KMT2C: variants seen among roughly 807,000 people sequenced by gnomAD.
KMT2C encodes histone-lysine N-methyltransferase 2C.
KMT2C carries 88 observed loss-of-function variants against 507.9 expected under a neutral mutation model. The ratio of observed to expected loss-of-function variants is 0.17; its 90% CI spans 0.15 to 0.21. KMT2C has a LOEUF of 0.21. Ranked by LOEUF, KMT2C falls within the 10% of genes least tolerant of loss-of-function variation. The pLI, the probability that KMT2C is intolerant of heterozygous loss-of-function variation, is 1.00. For missense variants in KMT2C, 4,954 were observed against 5,957.8 expected (o/e 0.83, Z 5.55); for synonymous variants, 2,049 against 2,080.8 (o/e 0.98, Z 0.42).
At chr7:152,349,844 T>C (rs1248467921) in intron 2 of KMT2C, among the ~76,000 whole-genome samples, 1 of 152,066 alleles carries the variant, frequency 6.6e-6, no homozygotes, top group Non-Finnish European at 1.5e-5. Context: ...ACCACTCTAG[T>C]ATAGGATGTT....
chr7:152,360,980 T>C (rs1349949058), intron 1 of KMT2C, among the ~76,000 whole-genome samples: 2 of 151,924 alleles, frequency 1.3e-5, no homozygotes, highest in South Asian at 2.1e-4. Flanking sequence ...CCAACAAACA[T>C]TGTCAAAAAC....
intron 3 of KMT2C, among the ~76,000 whole-genome samples, chr7:152,316,411 A>T (rs1012034613): frequency 1.9e-4 from 29 of 152,198 alleles, no homozygotes; most frequent in Non-Finnish European, 5.9e-5. Flanking sequence ...CTATTAATAA[A>T]AAAGGAGAAA....
At chr7:152,298,728 A>G (rs534121722) in intron 6 of KMT2C, among the ~76,000 whole-genome samples, 1 of 152,370 alleles carries the variant, frequency 6.6e-6, no homozygotes, top group East Asian at 1.9e-4. Flanking sequence ...TAACTATATG[A>G]GCAAACATCT....
chr7:152,331,119 G>A (rs1047130510), intron 2 of KMT2C, among the ~76,000 whole-genome samples: 1 of 152,020 alleles, frequency 6.6e-6, no homozygotes, highest in Non-Finnish European at 1.5e-5. Flanking sequence ...ACTGGCCTGG[G>A]CAAGATGGTG....
chr7:152,275,264 G>A (rs2096061213), intron 6 of KMT2C, among the ~76,000 whole-genome samples: 1 of 152,186 alleles, frequency 6.6e-6, no homozygotes, highest in African/African-American at 2.4e-5. Flanking sequence ...CAAAAATTTG[G>A]CTGGGCCGGG....
intron 6 of KMT2C, among the ~76,000 whole-genome samples, chr7:152,285,278 G>C (rs1369886440): frequency 6.6e-6 from 1 of 151,558 alleles, no homozygotes; most frequent in Non-Finnish European, 1.5e-5. Context: ...CTATAGGAAA[G>C]CAACAGATCG....
At chr7:152,421,905 A>G (rs2097779379) in intron 1 of KMT2C, among the ~76,000 whole-genome samples, 1 of 152,226 alleles carries the variant, frequency 6.6e-6, no homozygotes, top group African/African-American at 2.4e-5. Context: ...CTGGAAGGAA[A>G]AAAAACAAGT....
At chr7:152,345,827 A>G (rs2097053415) in intron 2 of KMT2C, among the ~76,000 whole-genome samples, 1 of 152,156 alleles carries the variant, frequency 6.6e-6, no homozygotes, top group African/African-American at 2.4e-5. Flanking sequence ...GGCCTAGAAT[A>G]GATTTTTTAA....
rs549216765 is a variant in KMT2C, at chr7:152,387,904, G to A, written c.162-29229C>T. Among the ~76,000 whole-genome samples, 19 of 152,106 alleles carry A rather than the reference G, an allele frequency of 1.2e-4. No individual in the cohort carries two copies. The East Asian group carries it at 2.5e-3, about 20-fold the overall frequency. Reference sequence around the variant, plus strand: ...AGCTTCCAGTGATAACCTCTGGGGAGTAAAACTGAACTTGTGATGTATACC... The same window carrying A: ...AGCTTCCAGTGATAACCTCTGGGGAATAAAACTGAACTTGTGATGTATACC... On this transcript the variant is annotated intron_variant, in intron 1 of 58. Coordinates refer to ENST00000262189, the MANE Select transcript of KMT2C (RefSeq NM_170606.3).
At chr7:152,238,555 A>G in intron 15 of KMT2C, 152 bp downstream of exon 15, 1 of 600,742 alleles carries the variant, frequency 1.7e-6, no homozygotes, top group Non-Finnish European at 2.7e-6. Flanking sequence ...TTTTAAATGC[A>G]AGCATATTAT....
rs1356688610 is a variant in KMT2C, at chr7:152,177,780, T to C, written c.7673A>G (p.Tyr2558Cys). Residue 2558 changes from tyrosine (Y) to cysteine (C), a missense_variant, in exon 38 of 59, where the codon TAT becomes TGT. Tyr to Cys is a radical substitution (Grantham distance 194). Transcript: ENST00000262189. ...VQQHNILGQAYIELRHRAPDG... is the reference protein window; with the variant it reads ...VQQHNILGQACIELRHRAPDG... ...AGGAGCCCTATGTCTCAGTTCAATA[T>C]ATGCTTGGCCCAGTATGTTGTGCTG... 2 of 1,614,034 alleles carry C rather than the reference T, an allele frequency of 1.2e-6. No homozygotes were observed. Among genetic ancestry groups the C allele is most frequent in the East Asian group, 2.2e-5 (1 of 44,864 alleles).
At position 152,138,491 on chromosome 7, in the gene KMT2C, G is replaced by T. The variant is rs1235958413; in HGVS notation, c.14643+305C>A. 1.2e-5 allele frequency: 3 copies of T among 249,380 alleles called. No homozygotes were observed. The East Asian group carries it at 3.2e-4, about 26-fold the overall frequency. The allele number at this position is 249,380 out of a possible 1,614,324, so 15.4% of individuals were successfully genotyped here. On this transcript the variant is annotated intron_variant, in intron 58 of 58. Transcript: ENST00000262189. The surrounding 1 kb of genome is among the most constrained non-coding windows in gnomAD (Gnocchi z 4.2). ...TGCCAAACTGTGTCCAGGTTAAGGG[G>T]ATAAAGAAGGATCCTATGGCACACA...
chr7:152,356,282 A>G (rs2097150477), intron 2 of KMT2C, among the ~76,000 whole-genome samples: 1 of 152,214 alleles, frequency 6.6e-6, no homozygotes, highest in Non-Finnish European at 1.5e-5. Context: ...AATCATCTTC[A>G]ATAATCAAAG....
intron 1 of KMT2C, among the ~76,000 whole-genome samples, chr7:152,363,831 T>C (rs534405421): frequency 6.6e-6 from 1 of 152,324 alleles, no homozygotes; most frequent in African/African-American, 2.4e-5. Context: ...ACATGTGTGA[T>C]GTGAAATCCC....
intron 6 of KMT2C, among the ~76,000 whole-genome samples, chr7:152,278,584 C>T (rs2096134019): frequency 6.6e-6 from 1 of 152,196 alleles, no homozygotes; most frequent in Admixed American, 6.5e-5. Flanking sequence ...TTTACAGCAA[C>T]ACAGGAGCAG....
At chr7:152,271,221 A>C (rs2095960838) in intron 7 of KMT2C, among the ~76,000 whole-genome samples, 1 of 152,176 alleles carries the variant, frequency 6.6e-6, no homozygotes, top group Non-Finnish European at 1.5e-5. Flanking sequence ...CATGACACAC[A>C]ATTAGGATAG....
intron 27 of KMT2C, 33 bp from the exon 28 acceptor site, chr7:152,196,044 A>T (rs1290648606): frequency 7.4e-7 from 1 of 1,353,134 alleles, no homozygotes; most frequent in Admixed American, 2.0e-5. Context: ...TTAAAATTTC[A>T]GTATTTTCTC....
intron 31 of KMT2C, among the ~76,000 whole-genome samples, chr7:152,193,326 A>G (rs576073032): frequency 5.9e-5 from 9 of 152,294 alleles, no homozygotes; most frequent in African/African-American, 2.2e-4. Flanking sequence ...CTCTACAGAA[A>G]AGGGGAGAAA....
chr7:152,403,375 G>GCT (rs372044312), intron 1 of KMT2C, among the ~76,000 whole-genome samples: 1 of 152,242 alleles, frequency 6.6e-6, no homozygotes, highest in African/African-American at 2.4e-5. Flanking sequence ...TGGGCGTGGT[G>GCT]GTGTGCACCT....
Sources: gnomAD v4.1 joint callset for allele counts (sites outside exome capture counted in the v4.1 genomes callset) on GRCh38, gnomAD v4.1.1 for gene constraint, Gnocchi (gnomAD v3.1) non-coding constraint, MANE v1.5 for transcripts, NCBI Gene and HGNC (gene_info 2026-07-23, HGNC 2026-07-21) for gene names.